The following SNX29 variants were observed in gnomAD, a reference collection of about 807,000 sequenced individuals.
SNX29 encodes sorting nexin-29.
SNX29 carries 78 observed loss-of-function variants against 102.1 expected under a neutral mutation model. That is an observed-to-expected ratio of 0.76 (90% CI 0.64 to 0.92). SNX29 has a LOEUF of 0.92. Among genes scored for constraint, SNX29 ranks in the 40% least tolerant of loss-of-function variants. SNX29 has a pLI of 0.00. For missense variants in SNX29, 1,280 were observed against 1,061.7 expected (o/e 1.21, Z -2.86); for synonymous variants, 580 against 414.5 (o/e 1.40, Z -4.85).
intron 15 of SNX29, among the ~76,000 whole-genome samples, chr16:12,291,667 T>TTAA (rs1412332923): frequency 6.6e-6 from 1 of 152,174 alleles, no homozygotes; most frequent in African/African-American, 2.4e-5. Context: ...CTCTGTAGAG[T>TTAA]TAACTTAGGT....
At chr16:12,408,624 C>T (rs1356885413) in intron 18 of SNX29, among the ~76,000 whole-genome samples, 1 of 152,168 alleles carries the variant, frequency 6.6e-6, no homozygotes, top group African/African-American at 2.4e-5. Context: ...AGTTCAAGAC[C>T]AGCCTGGTCA....
rs1455073071 is a variant in SNX29, at chr16:12,499,150, T to C, written c.2178+21291T>C. On this transcript the variant is annotated intron_variant, in intron 19 of 20. Transcript: ENST00000566228. ...CAGTAGAAGGCACAAGTTAGGGTTC[T>C]ATATGGGCATTCTTCAAACTGGAAC... is the stretch of plus-strand genomic sequence containing the variant. Among the ~76,000 whole-genome samples the C allele has an allele frequency of 2.0e-5, 3 of 152,228 alleles. No individual in the cohort carries two copies. In the East Asian group the frequency reaches 5.8e-4, roughly 29 times the overall value.
intron 1 of SNX29, among the ~76,000 whole-genome samples, chr16:11,981,838 A>T (rs1252689162): frequency 6.6e-6 from 1 of 152,200 alleles, no homozygotes; most frequent in Non-Finnish European, 1.5e-5. Flanking sequence ...GGAAAGCCTC[A>T]GAAATGTTAA....
chr16:12,235,957 A>G (rs146070389), intron 14 of SNX29, among the ~76,000 whole-genome samples: 2 of 152,308 alleles, frequency 1.3e-5, no homozygotes, highest in Admixed American at 1.3e-4. Flanking sequence ...GGAAAAGTAC[A>G]ATTTTCTGTT....
intron 15 of SNX29, among the ~76,000 whole-genome samples, chr16:12,284,046 G>T (rs962410809): frequency 2.0e-5 from 3 of 152,194 alleles, no homozygotes; most frequent in Non-Finnish European, 2.9e-5. Context: ...TGAGACTCTT[G>T]CTTCTTTACC....
intron 11 of SNX29, among the ~76,000 whole-genome samples, chr16:12,123,317 G>C (rs1370305826): frequency 6.6e-6 from 1 of 152,010 alleles, no homozygotes; most frequent in East Asian, 1.9e-4. Flanking sequence ...TCTCTCTTCA[G>C]ATTTCAAGTA....
rs373211660 is a variant in SNX29, at chr16:12,258,204, C to T, written c.1679-19729C>T. Among the ~76,000 whole-genome samples the T allele has an allele frequency of 9.2e-5, 14 of 152,274 alleles. No homozygotes were observed. In the East Asian group the frequency reaches 1.2e-3, roughly 13 times the overall value. On this transcript the variant is annotated intron_variant, in intron 14 of 20. Transcript: ENST00000566228. ...TCCTGAGAATAAGATATGAAGTTTC[C>T]CCTGCAGCCTCCAGCCCCGTGTCAT...
At position 12,242,369 on chromosome 16, in the gene SNX29, T is replaced by TATATATA. The variant is rs1555496124; in HGVS notation, c.1679-35564_1679-35563insATATATA. 3.7e-3 allele frequency among the ~76,000 whole-genome samples: 452 copies of TATATATA among 121,490 alleles called. 2 individuals are homozygous for TATATATA. Among genetic ancestry groups the TATATATA allele is most frequent in the African/African-American group, 0.014 (428 of 30,648 alleles). The allele number at this position is 121,490 out of a possible 152,430, so 79.7% of individuals were successfully genotyped here. A position where few individuals can be genotyped will look rare whatever the true frequency, so the allele number is the denominator to read the frequency against. ...TATATAATAATATATATATATATAT[T>TATATATA]TTTTTTTTTTTTTTAAGAAGAGGAG... On this transcript the variant is annotated intron_variant, in intron 14 of 20. Coordinates refer to ENST00000566228, the MANE Select transcript of SNX29 (RefSeq NM_032167.5).
At chr16:12,145,340 C>A (rs1312822301) in intron 13 of SNX29, among the ~76,000 whole-genome samples, 2 of 152,152 alleles carry the variant, frequency 1.3e-5, no homozygotes, top group East Asian at 3.8e-4. Flanking sequence ...TACATAGTTA[C>A]ACCACTGTTT....
intron 13 of SNX29, among the ~76,000 whole-genome samples, chr16:12,132,818 G>A (rs1169817526): frequency 6.6e-6 from 1 of 152,254 alleles, no homozygotes; most frequent in Middle Eastern, 3.2e-3. Flanking sequence ...AAACAGACCA[G>A]TATTTCAAAA....
intron 19 of SNX29, among the ~76,000 whole-genome samples, chr16:12,522,548 TG>T (rs1203271069): frequency 6.6e-6 from 1 of 152,140 alleles, no homozygotes; most frequent in Non-Finnish European, 1.5e-5. Flanking sequence ...GACTGGATCA[TG>T]GGGGTGGATT....
At chr16:12,105,572 A>G (rs1313797744) in intron 11 of SNX29, among the ~76,000 whole-genome samples, 3 of 152,070 alleles carry the variant, frequency 2.0e-5, no homozygotes, top group African/African-American at 7.2e-5. Flanking sequence ...TCCACCCACA[A>G]ATCTTTATTA....
intron 15 of SNX29, among the ~76,000 whole-genome samples, chr16:12,336,457 G>T (rs1211285949): frequency 2.0e-5 from 3 of 152,206 alleles, no homozygotes; most frequent in South Asian, 2.1e-4. Context: ...TTCACTGGAT[G>T]GTTTGTGTTG....
At chr16:12,330,939 A>G (rs1374198356) in intron 15 of SNX29, among the ~76,000 whole-genome samples, 1 of 152,236 alleles carries the variant, frequency 6.6e-6, no homozygotes, top group African/African-American at 2.4e-5. Context: ...CAGGCATGCT[A>G]GCCCCCTGGC....
chr16:12,546,518 A>T (rs546497782), intron 20 of SNX29: 43 of 152,332 alleles, frequency 2.8e-4, no homozygotes, highest in African/African-American at 1.0e-3. Flanking sequence ...TGATTCAATT[A>T]TCTCCCAATG....
intron 20 of SNX29, among the ~76,000 whole-genome samples, chr16:12,563,092 G>GAAGACGCAC (rs2078822408): frequency 7.0e-6 from 1 of 143,142 alleles, no homozygotes; most frequent in Non-Finnish European, 1.6e-5. Context: ...ATGTTACATA[G>GAAGACGCAC]AAGACGCACG....
At chr16:12,200,602 C>T (rs1252723959) in intron 14 of SNX29, among the ~76,000 whole-genome samples, 1 of 152,112 alleles carries the variant, frequency 6.6e-6, no homozygotes, top group East Asian at 1.9e-4. Context: ...CCTGCCTCAG[C>T]CTCCCAAATA....
intron 18 of SNX29, among the ~76,000 whole-genome samples, chr16:12,448,916 A>G (rs1439878287): frequency 2.0e-5 from 3 of 152,162 alleles, no homozygotes; most frequent in Admixed American, 1.3e-4. Flanking sequence ...ACTAGGCTCT[A>G]CCCATAGGTA....
intron 13 of SNX29, among the ~76,000 whole-genome samples, chr16:12,191,542 A>C (rs2076642633): frequency 6.6e-6 from 1 of 152,136 alleles, no homozygotes; most frequent in African/African-American, 2.4e-5. Flanking sequence ...TCATGGTGAC[A>C]ATTACTCGAG....
Sources: gnomAD v4.1 joint callset for allele counts (sites outside exome capture counted in the v4.1 genomes callset) on GRCh38, gnomAD v4.1.1 for gene constraint, MANE v1.5 for transcripts, NCBI Gene and HGNC (gene_info 2026-07-23, HGNC 2026-07-21) for gene names.